Variants in ARHGAP17 observed in about 807,000 individuals in gnomAD.
ARHGAP17 encodes the protein Rho GTPase activating protein 17.
In ARHGAP17, 57 loss-of-function variants were observed where a neutral mutation model predicts 99.5. The observed-to-expected ratio is 0.57, with a 90% CI of 0.46 to 0.71. ARHGAP17 has a LOEUF of 0.71. Ranked by LOEUF, ARHGAP17 falls within the 30% of genes least tolerant of loss-of-function variation. ARHGAP17 has a pLI of 0.00. For synonymous variants in ARHGAP17, 417 were observed against 429.6 expected, an observed-to-expected ratio of 0.97 and a Z score of 0.36; for missense variants, 1,000 against 1,122.4, an observed-to-expected ratio of 0.89 and a Z score of 1.56.
intron 1 of ARHGAP17, 72 bp downstream of exon 1, chr16:25,015,137 C>A: frequency 8.4e-7 from 1 of 1,195,016 alleles, no homozygotes; most frequent in East Asian, 3.5e-5. Flanking sequence ...GCGGAGGAGC[C>A]GTCCCGCCCC....
At chr16:24,980,128 C>T (rs1408239000) in intron 1 of ARHGAP17, among the ~76,000 whole-genome samples, 6 of 152,264 alleles carry the variant, frequency 3.9e-5, no homozygotes, top group East Asian at 1.9e-4. Flanking sequence ...TGATCTTGGC[C>T]GGGAACCAAT....
intron 18 of ARHGAP17, 31 bp from the exon 19 acceptor site, chr16:24,931,435 T>C (rs184522361): frequency 6.0e-6 from 9 of 1,493,482 alleles, no homozygotes; most frequent in East Asian, 2.3e-5. Flanking sequence ...CACCTTTCAG[T>C]AGGAACAGTG....
At chr16:25,000,025 T>C (rs536522204) in intron 1 of ARHGAP17, among the ~76,000 whole-genome samples, 3 of 152,184 alleles carry the variant, frequency 2.0e-5, no homozygotes, top group South Asian at 4.1e-4. Flanking sequence ...TTCTCACGTA[T>C]AGGAACACAG....
At chr16:24,967,628 A>G (rs999625540) in intron 6 of ARHGAP17, among the ~76,000 whole-genome samples, 3 of 152,098 alleles carry the variant, frequency 2.0e-5, no homozygotes, top group African/African-American at 7.2e-5. Flanking sequence ...CCTGGGCAAC[A>G]CAGCTAGACA....
chr16:24,973,767 T>C (rs1351381988), intron 3 of ARHGAP17, among the ~76,000 whole-genome samples: 1 of 152,238 alleles, frequency 6.6e-6, no homozygotes, highest in Non-Finnish European at 1.5e-5. Context: ...CCATGAAAAC[T>C]TACATTTCAT....
chr16:24,927,506 T>C (rs987776549), intron 19 of ARHGAP17, among the ~76,000 whole-genome samples: 1 of 152,186 alleles, frequency 6.6e-6, no homozygotes, highest in Non-Finnish European at 1.5e-5. Context: ...GGTACACACT[T>C]AGTATTCCGA....
chr16:24,931,344 C>A lies in ARHGAP17; in HGVS notation c.1955G>T (p.Gly652Val). 1 of 1,495,742 alleles carries A rather than the reference C, an allele frequency of 6.7e-7. No individual in the cohort carries two copies. 92.7% of individuals were successfully genotyped at this position (1,495,742 alleles called of 1,614,324 possible). A position where few individuals can be genotyped will look rare whatever the true frequency, so the allele number is the denominator to read the frequency against. ...AGATGTTCCTGAAGAACTCTGGCCC[C>A]CGGGGTGGCCAGGAGGTGGGTTGCC... ...KPGNPPPGHPGGQSSSGTSQH... is the reference protein window; with the variant it reads ...KPGNPPPGHPVGQSSSGTSQH... The change falls in exon 19 of 20, where the codon GGG becomes GTG. Residue 652 changes from glycine to valine, a missense_variant. Gly to Val is a moderately radical substitution (Grantham distance 109). This residue lies in a region of ARHGAP17 where 528 missense variants were observed against 511.4 expected (regional missense o/e 1.03). Transcript: ENST00000289968.
At chr16:24,922,952 C>T (rs889983509) in intron 19 of ARHGAP17, among the ~76,000 whole-genome samples, 2 of 152,148 alleles carry the variant, frequency 1.3e-5, no homozygotes, top group Non-Finnish European at 2.9e-5. Context: ...GCTGGGATTA[C>T]CAGCATGAGC....
chr16:24,968,260 G>T, intron 6 of ARHGAP17, 91 bp downstream of exon 6: 1 of 1,446,010 alleles, frequency 6.9e-7, no homozygotes, highest in Non-Finnish European at 9.7e-7. Context: ...TGCACGAATT[G>T]GTGAGCACTT....
rs144428074 is a variant in ARHGAP17 at position 24,953,090 on chromosome 16, C to G, written c.853-48G>C. ...AGCATCAAGTGCAGGTTGGGACACT[C>G]AGACTAAGTGGCAGTGTGTTCTGAT... On this transcript the variant is annotated intron_variant, in intron 10 of 19. Transcript: ENST00000289968. The G allele has an allele frequency of 2.1e-3, 3,268 of 1,556,448 alleles. 48 individuals carry two copies. In the South Asian group the frequency reaches 0.028, roughly 14 times the overall value.
chr16:24,943,895 C>T, intron 14 of ARHGAP17, 33 bp from the exon 15 acceptor site: 3 of 1,560,788 alleles, frequency 1.9e-6, no homozygotes, highest in Non-Finnish European at 2.7e-6. Context: ...TAAAATACTT[C>T]CTGTAGGCAG....
chr16:24,958,900 T>C (rs1407088047), intron 9 of ARHGAP17, among the ~76,000 whole-genome samples: 2 of 151,870 alleles, frequency 1.3e-5, no homozygotes, highest in Non-Finnish European at 2.9e-5. Context: ...ACAGGTGAAA[T>C]AGATCCAAAG....
intron 17 of ARHGAP17, among the ~76,000 whole-genome samples, chr16:24,938,722 C>T (rs1013613472): frequency 1.4e-5 from 2 of 143,752 alleles, no homozygotes; most frequent in African/African-American, 2.6e-5. Context: ...CAGTGAGCTA[C>T]GATTATGCCA....
chr16:24,968,403 G>C lies in ARHGAP17; in HGVS notation c.409C>G (p.Gln137Glu), dbSNP rs764906363. The C allele has an allele frequency of 6.2e-7, 1 of 1,614,208 alleles. No homozygotes were observed. The highest frequency in any genetic ancestry group is 1.7e-5 in the Admixed American group (1 of 60,024). ...AEVEIPNIQK[Q>E]RKQLARLVLD... Reference sequence around the variant, plus strand: ...ACCAATCTTGCAAGCTGCTTCCTCTGCTTCTGGATGTTGGGAATCTCCACC... The same window carrying C: ...ACCAATCTTGCAAGCTGCTTCCTCTCCTTCTGGATGTTGGGAATCTCCACC... Residue 137 changes from glutamine to glutamate, a missense_variant, in exon 6 of 20, where the codon CAG becomes GAG. By Grantham distance (29) the Gln-to-Glu change is conservative (BLOSUM62 2). Transcript: ENST00000289968.
chr16:25,014,501 G>A (rs1267787524), intron 1 of ARHGAP17, among the ~76,000 whole-genome samples: 1 of 152,222 alleles, frequency 6.6e-6, no homozygotes, highest in African/African-American at 2.4e-5. Context: ...AGAAGCATTT[G>A]TTTCCAAACC....
intron 3 of ARHGAP17, among the ~76,000 whole-genome samples, chr16:24,976,821 G>C (rs929370909): frequency 3.3e-5 from 5 of 152,224 alleles, no homozygotes; most frequent in Non-Finnish European, 7.3e-5. Flanking sequence ...TAAAATGTTA[G>C]ATAAACCCTG....
chr16:24,968,303 C>T (rs756282347), intron 6 of ARHGAP17, 48 bp downstream of exon 6: 35 of 1,593,646 alleles, frequency 2.2e-5, no homozygotes, highest in Admixed American at 8.3e-5. Flanking sequence ...TCTTCTCCCC[C>T]GTGGTGGGAA....
chr16:24,938,090 C>T (rs553094206), intron 17 of ARHGAP17, among the ~76,000 whole-genome samples: 3 of 152,240 alleles, frequency 2.0e-5, no homozygotes, highest in African/African-American at 4.8e-5. Flanking sequence ...TGGCTGGGCG[C>T]GGTGGCTCAC....
At chr16:24,928,479 A>G (rs557552562) in intron 19 of ARHGAP17, among the ~76,000 whole-genome samples, 1 of 152,384 alleles carries the variant, frequency 6.6e-6, no homozygotes, top group East Asian at 1.9e-4. Flanking sequence ...ACCCCGGGTA[A>G]CAATGGTATT....
Sources: gnomAD v4.1 joint callset for allele counts (sites outside exome capture counted in the v4.1 genomes callset) on GRCh38, gnomAD v4.1.1 for gene constraint, gnomAD v4.1.1 regional missense constraint, MANE v1.5 for transcripts, NCBI Gene and HGNC (gene_info 2026-07-23, HGNC 2026-07-21) for gene names.